Variants in PDGFC observed in about 807,000 individuals in gnomAD.
The protein encoded by PDGFC is platelet-derived growth factor C.
PDGFC carries 12 observed loss-of-function variants against 35.5 expected under a neutral mutation model. That is an observed-to-expected ratio of 0.34 (90% CI 0.22 to 0.55). The LOEUF (loss-of-function observed/expected upper bound fraction) is 0.55. Ranked by LOEUF, PDGFC falls within the 20% of genes least tolerant of loss-of-function variation. PDGFC has a pLI of 0.91. For synonymous variants in PDGFC, 159 were observed against 148.8 expected (o/e 1.07, Z -0.50); for missense variants, 322 against 412.4 (o/e 0.78, Z 1.90).
chr4:156,802,336 T>C (rs1731634692), intron 3 of PDGFC, among the ~76,000 whole-genome samples: 1 of 152,092 alleles, frequency 6.6e-6, no homozygotes. Context: ...GTGTCGTCAT[T>C]GGATTGGTGG....
chr4:156,922,483 T>G (rs570205595), intron 1 of PDGFC, among the ~76,000 whole-genome samples: 21 of 152,300 alleles, frequency 1.4e-4, no homozygotes, highest in Admixed American at 2.6e-4. Context: ...GTGTGATAAG[T>G]GTTACAATGA....
intron 1 of PDGFC, among the ~76,000 whole-genome samples, chr4:156,968,615 A>C (rs1480240424): frequency 3.9e-5 from 6 of 152,168 alleles, no homozygotes; most frequent in African/African-American, 1.4e-4. Context: ...TTACCCTCAA[A>C]TCTTGAAACA....
At chr4:156,945,908 C>T (rs1202963003) in intron 1 of PDGFC, among the ~76,000 whole-genome samples, 1 of 152,082 alleles carries the variant, frequency 6.6e-6, no homozygotes, top group African/African-American at 2.4e-5. Context: ...CTGCCAGGAG[C>T]TGATCGCGTC....
intron 2 of PDGFC, among the ~76,000 whole-genome samples, chr4:156,825,593 T>TAATAATAAGAAGAAGAAG (rs1267062505): frequency 2.7e-4 from 17 of 62,186 alleles, no homozygotes; most frequent in African/African-American, 4.7e-4. Flanking sequence ...ATAATAATAA[T>TAATAATAAGAAGAAGAAG]AAGAAGAAGA....
In PDGFC at chr4:156,796,238, T is replaced by C. The variant is rs186731656; in HGVS notation, c.495+14599A>G. 2.5e-3 allele frequency among the ~76,000 whole-genome samples: 374 copies of C among 152,292 alleles called. 2 individuals carry two copies. The highest frequency in any genetic ancestry group is 8.5e-3 in the African/African-American group (353 of 41,582). ...AATTATACCCTCCTTCTTGATACTC[T>C]TGATTGAGCCATTTTTAAAACTATG... On this transcript the variant is annotated intron_variant, in intron 3 of 5. Coordinates refer to ENST00000502773, the MANE Select transcript of PDGFC (RefSeq NM_016205.3).
chr4:156,787,189 C>A (rs776792843), intron 3 of PDGFC, among the ~76,000 whole-genome samples: 4 of 151,976 alleles, frequency 2.6e-5, no homozygotes, highest in Non-Finnish European at 4.4e-5. Flanking sequence ...TGTCATAATT[C>A]CAGTTGAGAG....
chr4:156,812,831 CAAG>C (rs1225140454), intron 2 of PDGFC, among the ~76,000 whole-genome samples: 2 of 152,088 alleles, frequency 1.3e-5, no homozygotes, highest in East Asian at 3.9e-4. Context: ...AGCTGCCACT[CAAG>C]AAAGTTTGTC....
chr4:156,930,036 T>A (rs1319048818), intron 1 of PDGFC, among the ~76,000 whole-genome samples: 1 of 152,246 alleles, frequency 6.6e-6, no homozygotes, highest in African/African-American at 2.4e-5. Flanking sequence ...ACTGGTTGAC[T>A]AACTGGATTG....
intron 3 of PDGFC, among the ~76,000 whole-genome samples, chr4:156,804,942 A>T (rs1731719425): frequency 6.6e-6 from 1 of 152,026 alleles, no homozygotes; most frequent in African/African-American, 2.4e-5. Flanking sequence ...AATGACTTAC[A>T]ATAATCTGTC....
rs182380896 is a variant in PDGFC at position 156,951,518 on chromosome 4, G to T, written c.118+19268C>A. On this transcript the variant is annotated intron_variant, in intron 1 of 5. Coordinates refer to ENST00000502773, the MANE Select transcript of PDGFC (RefSeq NM_016205.3). ...TCTCCCCTTTGAGACTGACGCATGGGGCAGAAATTAACCAGGATTTCTGAG... is the reference window on the plus strand; with the variant it reads ...TCTCCCCTTTGAGACTGACGCATGGTGCAGAAATTAACCAGGATTTCTGAG... Among the ~76,000 whole-genome samples the T allele has an allele frequency of 6.6e-5, 10 of 151,638 alleles. No homozygotes were observed. The East Asian group carries it at 1.8e-3, about 27-fold the overall frequency.
intron 2 of PDGFC, among the ~76,000 whole-genome samples, chr4:156,840,919 T>C (rs908739525): frequency 3.9e-5 from 6 of 152,176 alleles, no homozygotes; most frequent in African/African-American, 1.4e-4. Flanking sequence ...AGCCAATTTC[T>C]CCCATTTGGA....
intron 2 of PDGFC, among the ~76,000 whole-genome samples, chr4:156,838,521 T>A (rs1016264037): frequency 1.9e-4 from 29 of 152,114 alleles, no homozygotes; most frequent in African/African-American, 7.0e-4. Flanking sequence ...TGCTATCTTA[T>A]GAGGACAGCC....
At chr4:156,794,762 G>T (rs1198817862) in intron 3 of PDGFC, among the ~76,000 whole-genome samples, 1 of 151,866 alleles carries the variant, frequency 6.6e-6, no homozygotes, top group Non-Finnish European at 1.5e-5. Context: ...GCTAATTATA[G>T]AAAAAAATCA....
chr4:156,778,179 C>T, intron 3 of PDGFC: 1 of 386,618 alleles, frequency 2.6e-6, no homozygotes, highest in Non-Finnish European at 5.4e-6. Context: ...GCACTATTAA[C>T]AAAACAAGAG....
At chr4:156,921,262 G>C (rs1395270276) in intron 1 of PDGFC, among the ~76,000 whole-genome samples, 2 of 152,110 alleles carry the variant, frequency 1.3e-5, no homozygotes, top group African/African-American at 4.8e-5. Flanking sequence ...AAAATTAAGG[G>C]TGGCAGGGAG....
intron 1 of PDGFC, among the ~76,000 whole-genome samples, chr4:156,904,856 T>C (rs1366946158): frequency 6.6e-6 from 1 of 152,172 alleles, no homozygotes; most frequent in Non-Finnish European, 1.5e-5. Flanking sequence ...CACTGCAAAG[T>C]AAGGCTCAGT....
chr4:156,838,335 C>A (rs1293436168), intron 2 of PDGFC, among the ~76,000 whole-genome samples: 1 of 152,248 alleles, frequency 6.6e-6, no homozygotes, highest in African/African-American at 2.4e-5. Context: ...TAACCCAAAT[C>A]TTGCCAATCA....
chr4:156,924,978 C>T (rs1359087355), intron 1 of PDGFC, among the ~76,000 whole-genome samples: 1 of 140,220 alleles, frequency 7.1e-6, no homozygotes, highest in Non-Finnish European at 1.5e-5. Context: ...AGAGTCAGGG[C>T]AGCACATAGG....
intron 1 of PDGFC, among the ~76,000 whole-genome samples, chr4:156,915,504 T>C (rs1474217327): frequency 6.6e-6 from 1 of 152,156 alleles, no homozygotes; most frequent in Admixed American, 6.6e-5. Flanking sequence ...TTTTCAGTTC[T>C]TGAAAACAAG....
Sources: gnomAD v4.1 joint callset for allele counts (sites outside exome capture counted in the v4.1 genomes callset) on GRCh38, gnomAD v4.1.1 for gene constraint, MANE v1.5 for transcripts, NCBI Gene and HGNC (gene_info 2026-07-23, HGNC 2026-07-21) for gene names.